The following PTGIS variants were observed in gnomAD, a reference collection of about 807,000 sequenced individuals.
PTGIS encodes prostaglandin I2 synthase.
In PTGIS, 45 loss-of-function variants were observed where a neutral mutation model predicts 50.3. The observed-to-expected ratio is 0.90, with a 90% confidence interval of 0.70 to 1.15. PTGIS has a LOEUF of 1.15. Among genes scored for constraint, PTGIS ranks in the 50% most tolerant of loss-of-function variants. The pLI, the probability that PTGIS is intolerant of heterozygous loss-of-function variation, is 0.00. For synonymous variants in PTGIS, 260 were observed against 267.7 expected (o/e 0.97, Z 0.28); for missense variants, 668 against 661.3 (o/e 1.01, Z -0.11).
At chr20:49,527,697 A>C (rs2122859877) in intron 5 of PTGIS, among the ~76,000 whole-genome samples, 1 of 152,346 alleles carries the variant, frequency 6.6e-6, no homozygotes, top group Admixed American at 6.5e-5. Flanking sequence ...CAACATTGTG[A>C]ATGTATTTAC....
intron 4 of PTGIS, 144 bp from the exon 5 acceptor site, chr20:49,539,865 C>A (rs886187126): frequency 5.8e-6 from 7 of 1,210,370 alleles, no homozygotes; most frequent in Non-Finnish European, 5.8e-6. Context: ...ACTGAACAGT[C>A]GGCAGTGAAA....
intron 7 of PTGIS, 92 bp downstream of exon 7, chr20:49,514,135 C>A (rs1981404060): frequency 2.0e-6 from 3 of 1,501,558 alleles, no homozygotes; most frequent in Admixed American, 3.4e-5. Flanking sequence ...CACTGATGGA[C>A]CCTGGAAGAC....
At chr20:49,557,853 C>T (rs964558411) in intron 1 of PTGIS, among the ~76,000 whole-genome samples, 2 of 152,108 alleles carry the variant, frequency 1.3e-5, no homozygotes, top group East Asian at 3.9e-4. Flanking sequence ...CGTTCCTTTT[C>T]TCTTGTGACA....
chr20:49,511,298 T>C, intron 8 of PTGIS, 119 bp from the exon 9 acceptor site: 4 of 1,161,996 alleles, frequency 3.4e-6, no homozygotes, highest in South Asian at 2.6e-5. Context: ...GGAAACCATA[T>C]ACAGGTCAAT....
At chr20:49,526,535 G>A (rs925897309) in intron 5 of PTGIS, among the ~76,000 whole-genome samples, 1 of 152,176 alleles carries the variant, frequency 6.6e-6, no homozygotes, top group Admixed American at 6.5e-5. Flanking sequence ...AGTATGAAAA[G>A]ACAGCTGACA....
At chr20:49,544,230 C>T in intron 4 of PTGIS, 75 bp downstream of exon 4, 1 of 1,590,402 alleles carries the variant, frequency 6.3e-7, no homozygotes, top group Non-Finnish European at 8.6e-7. Flanking sequence ...TCACGGTTCC[C>T]TTGGCCACTG....
rs772826452 is a variant in PTGIS at position 49,513,181 on chromosome 20, T to C, written c.1105A>G (p.Met369Val). The change falls in exon 8 of 10, where the codon ATG becomes GTG. Residue 369 changes from methionine to valine, a missense_variant. Met to Val is a conservative substitution (Grantham distance 21). Transcript: ENST00000244043. ...AGGTTGAATTCTCGCCCGTCTGCCATGGGCATGGCCAGGTCCACCACAACC... is the reference window on the plus strand; with the variant it reads ...AGGTTGAATTCTCGCCCGTCTGCCACGGGCATGGCCAGGTCCACCACAACC... ...REVVVDLAMP[M>V]ADGREFNLRR... 8 of 1,614,124 alleles carry C rather than the reference T, an allele frequency of 5.0e-6. No individual in the cohort carries two copies. In the South Asian group the frequency reaches 8.8e-5, roughly 18 times the overall value.
rs1244703567 is a variant in PTGIS, at chr20:49,540,094, C to T, written c.522-373G>A. ...TGACAGCTGAAGGCTGAGAAGGAGT[C>T]AGCCATGGGCAGAGCAGAGGGAGGG... On this transcript the variant is annotated intron_variant, in intron 4 of 9. Transcript: ENST00000244043. This position sits in a 1 kb window ranked among gnomAD's most constrained non-coding sequence, Gnocchi z 4.8. Among the ~76,000 whole-genome samples the T allele has an allele frequency of 3.3e-5, 5 of 152,068 alleles. No homozygotes were observed. The highest frequency in any genetic ancestry group is 9.6e-5 in the African/African-American group (4 of 41,480).
At chr20:49,562,965 G>A (rs957905609) in intron 1 of PTGIS, among the ~76,000 whole-genome samples, 4 of 152,118 alleles carry the variant, frequency 2.6e-5, no homozygotes, top group East Asian at 1.9e-4. Context: ...GTATGCAGTC[G>A]GTGCTCAATG....
At chr20:49,510,689 A>G (rs1284026496) in intron 9 of PTGIS, among the ~76,000 whole-genome samples, 1 of 152,170 alleles carries the variant, frequency 6.6e-6, no homozygotes, top group Non-Finnish European at 1.5e-5. Flanking sequence ...TCCTAACATG[A>G]AGTTCTGAAC....
At chr20:49,523,919 G>A (rs764899938) in intron 6 of PTGIS, 139 bp downstream of exon 6, 18 of 1,093,662 alleles carry the variant, frequency 1.6e-5, no homozygotes, top group Non-Finnish European at 2.3e-5. Flanking sequence ...ACTCACAAAT[G>A]CACACCTACA....
intron 1 of PTGIS, among the ~76,000 whole-genome samples, chr20:49,557,773 T>G (rs1982653537): frequency 6.6e-6 from 1 of 152,200 alleles, no homozygotes; most frequent in African/African-American, 2.4e-5. Context: ...TACTCTATGT[T>G]CACCTTATTT....
chr20:49,560,134 G>A (rs911887197), intron 1 of PTGIS, among the ~76,000 whole-genome samples: 15 of 151,804 alleles, frequency 9.9e-5, no homozygotes, highest in African/African-American at 3.4e-4. Flanking sequence ...ATCTTGGCCA[G>A]GCTGGTCTTG....
chr20:49,513,344 G>A, intron 7 of PTGIS, 83 bp from the exon 8 acceptor site: 1 of 1,484,714 alleles, frequency 6.7e-7, no homozygotes, highest in Non-Finnish European at 9.1e-7. Flanking sequence ...ATTTTACAGA[G>A]GAAGATGAAG....
intron 6 of PTGIS, among the ~76,000 whole-genome samples, chr20:49,522,553 C>T (rs979651189): frequency 6.6e-6 from 1 of 152,050 alleles, no homozygotes; most frequent in Non-Finnish European, 1.5e-5. Flanking sequence ...GTCTCAAACT[C>T]CTGGGCTCAA....
intron 2 of PTGIS, among the ~76,000 whole-genome samples, chr20:49,549,418 C>T (rs925117023): frequency 2.0e-5 from 3 of 152,110 alleles, no homozygotes; most frequent in Admixed American, 1.3e-4. Context: ...AAGTTTAGTA[C>T]CAACACATTT....
chr20:49,533,706 T>TTTGGGATTACCTC (rs1413659038), intron 5 of PTGIS, among the ~76,000 whole-genome samples: 1 of 152,110 alleles, frequency 6.6e-6, no homozygotes, highest in African/African-American at 2.4e-5. Context: ...CCGGTAATCC[T>TTTGGGATTACCTC]AGCACTTTGG....
rs535071355 is a variant in PTGIS, at chr20:49,504,384, A to G, written c.*3536T>C. 3.3e-5 allele frequency: 5 copies of G among 152,092 alleles called. No homozygotes were observed. Among genetic ancestry groups the G allele is most frequent in the East Asian group, 1.9e-4 (1 of 5,172 alleles). 9.4% of individuals were successfully genotyped at this position (152,092 alleles called of 1,614,324 possible). ...TCCACTATTGGCAGCAATTGGGGGG[A>G]AAAAAAGTTCATTTTAAAAACAAAG... On this transcript the variant is annotated 3_prime_UTR_variant, in exon 10 of 10. Transcript: ENST00000244043.
chr20:49,530,434 T>G (rs1407586093), intron 5 of PTGIS, among the ~76,000 whole-genome samples: 1 of 152,222 alleles, frequency 6.6e-6, no homozygotes, highest in Non-Finnish European at 1.5e-5. Flanking sequence ...TTCCTTTGAA[T>G]ATATACCTAG....
Sources: gnomAD v4.1 joint callset for allele counts (sites outside exome capture counted in the v4.1 genomes callset) on GRCh38, gnomAD v4.1.1 for gene constraint, Gnocchi (gnomAD v3.1) non-coding constraint, MANE v1.5 for transcripts, NCBI Gene and HGNC (gene_info 2026-07-23, HGNC 2026-07-21) for gene names.